The following GALK2 variants were observed in gnomAD, a reference collection of about 807,000 sequenced individuals.
GALK2 encodes galactokinase 2, also known as N-acetylgalactosamine kinase.
GALK2 carries 36 observed loss-of-function variants against 52.4 expected under a neutral mutation model. That is an observed-to-expected ratio of 0.69 (90% CI 0.53 to 0.91). GALK2 has a LOEUF of 0.91. Among genes scored for constraint, GALK2 ranks in the 40% least tolerant of loss-of-function variants. The pLI is 0.00. For synonymous variants in GALK2, 176 were observed against 199.1 expected (o/e 0.88, Z 0.98); for missense variants, 579 against 559.1 (o/e 1.04, Z -0.36).
In GALK2 at chr15:49,235,630, A is replaced by G. The variant is rs541194977; in HGVS notation, c.267-221A>G. On this transcript the variant is annotated intron_variant, in intron 3 of 9. Coordinates refer to ENST00000560031, the MANE Select transcript of GALK2 (RefSeq NM_002044.4). ...TTGTTTCCTCTGTGTTTCAGGAAAT[A>G]AAAAGGGTCAGTTGGAGGTAGTTTA... is the stretch of plus-strand genomic sequence containing the variant. The G allele has an allele frequency of 4.5e-4, 308 of 678,506 alleles. 4 individuals are homozygous for G. The highest frequency in any genetic ancestry group is 4.4e-3 in the South Asian group (296 of 67,654). 42.0% of individuals were successfully genotyped at this position (678,506 alleles called of 1,614,324 possible).
chr15:49,180,996 C>A (rs1035204870), intron 1 of GALK2, among the ~76,000 whole-genome samples: 24 of 151,954 alleles, frequency 1.6e-4, no homozygotes, highest in Admixed American at 1.6e-3. Context: ...TTTTGGCTTA[C>A]CTATTTTCCT....
chr15:49,220,940 T>C (rs1264515945), intron 3 of GALK2, among the ~76,000 whole-genome samples: 1 of 152,190 alleles, frequency 6.6e-6, no homozygotes, highest in Non-Finnish European at 1.5e-5. Flanking sequence ...TTACTAGTTT[T>C]TACTATCGAG....
At chr15:49,247,827 TA>T (rs2091425493) in intron 5 of GALK2, among the ~76,000 whole-genome samples, 1 of 152,224 alleles carries the variant, frequency 6.6e-6, no homozygotes, top group African/African-American at 2.4e-5. Flanking sequence ...AAATTCCTTT[TA>T]AAACTTTTTG....
intron 1 of GALK2, among the ~76,000 whole-genome samples, chr15:49,162,162 A>G (rs554794933): frequency 1.8e-4 from 28 of 152,328 alleles, no homozygotes; most frequent in African/African-American, 6.7e-4. Context: ...AACTTTTCCC[A>G]GGTAACTGCT....
At chr15:49,264,286 T>C (rs566858271) in intron 5 of GALK2, among the ~76,000 whole-genome samples, 1 of 152,252 alleles carries the variant, frequency 6.6e-6, no homozygotes, top group East Asian at 1.9e-4. Flanking sequence ...TTCTTTTTTC[T>C]CTAAACCTCC....
chr15:49,345,495 C>T (rs2041343603), intron 3 of GALK2, among the ~76,000 whole-genome samples: 1 of 152,164 alleles, frequency 6.6e-6, no homozygotes, highest in Non-Finnish European at 1.5e-5. Flanking sequence ...ACACTTATAA[C>T]TATAAATTTT....
Position 49,329,167 on chromosome 15 carries a change from T to C in GALK2, c.*1008T>C. 1.0e-6 allele frequency: 1 copy of C among 987,302 alleles called. No individual in the cohort carries two copies. The highest frequency in any genetic ancestry group is 1.2e-6 in the Non-Finnish European group (1 of 831,226). The allele number at this position is 987,302 out of a possible 1,614,324, so 61.2% of individuals were successfully genotyped here. On this transcript the variant is annotated 3_prime_UTR_variant, in exon 10 of 10. Coordinates refer to ENST00000560031, the MANE Select transcript of GALK2 (RefSeq NM_002044.4). ...ATTGTAAAGCAGGTATGCAGGTATGTGGGTGAAAGTGACTATGAAAAGACT... is the reference window on the plus strand; with the variant it reads ...ATTGTAAAGCAGGTATGCAGGTATGCGGGTGAAAGTGACTATGAAAAGACT...
At chr15:49,204,654 A>G (rs939498050) in intron 2 of GALK2, among the ~76,000 whole-genome samples, 2 of 152,152 alleles carry the variant, frequency 1.3e-5, no homozygotes, top group Non-Finnish European at 2.9e-5. Context: ...GTATAGAAAC[A>G]CTAGTGATTT....
At chr15:49,215,263 C>A (rs1197614428) in intron 2 of GALK2, among the ~76,000 whole-genome samples, 2 of 152,064 alleles carry the variant, frequency 1.3e-5, no homozygotes, top group African/African-American at 4.8e-5. Flanking sequence ...ATATTTATAT[C>A]TTTTCTTAGG....
chr15:49,204,929 A>G (rs751332614), intron 2 of GALK2, among the ~76,000 whole-genome samples: 5 of 152,178 alleles, frequency 3.3e-5, no homozygotes, highest in Admixed American at 6.5e-5. Flanking sequence ...TAGCCCCCAC[A>G]TATCAGTGAG....
At chr15:49,234,600 A>G (rs1231816604) in intron 3 of GALK2, among the ~76,000 whole-genome samples, 1 of 152,082 alleles carries the variant, frequency 6.6e-6, no homozygotes, top group African/African-American at 2.4e-5. Context: ...CCTTTGTAAA[A>G]CCAGCGGATC....
At chr15:49,277,606 G>A (rs994920762) in intron 5 of GALK2, among the ~76,000 whole-genome samples, 3 of 149,032 alleles carry the variant, frequency 2.0e-5, no homozygotes, top group Non-Finnish European at 4.5e-5. Flanking sequence ...GACCATCCTG[G>A]CTAACACAGT....
At chr15:49,223,110 T>C (rs1183943719) in intron 3 of GALK2, 1 of 152,186 alleles carries the variant, frequency 6.6e-6, no homozygotes, top group Non-Finnish European at 1.5e-5. Context: ...GATTTAATCT[T>C]GGTATGTTGT....
downstream of GALK2, among the ~76,000 whole-genome samples, chr15:49,333,206 C>T (rs2039110660): frequency 6.6e-6 from 1 of 152,072 alleles, no homozygotes; most frequent in Non-Finnish European, 1.5e-5. Flanking sequence ...TTAAAGTGTA[C>T]AGTTCAGTGG....
At chr15:49,213,490 C>T (rs1196573865) in intron 2 of GALK2, among the ~76,000 whole-genome samples, 2 of 152,120 alleles carry the variant, frequency 1.3e-5, no homozygotes, top group Non-Finnish European at 2.9e-5. Flanking sequence ...AGCTATTTGT[C>T]CTAATGCTCT....
intron 5 of GALK2, among the ~76,000 whole-genome samples, chr15:49,279,386 T>C (rs1391354845): frequency 1.3e-5 from 2 of 152,236 alleles, no homozygotes; most frequent in Admixed American, 6.5e-5. Context: ...ATCTCATTTG[T>C]CTTTTCATAT....
At chr15:49,307,017 A>G (rs576821354) in intron 8 of GALK2, among the ~76,000 whole-genome samples, 5 of 152,330 alleles carry the variant, frequency 3.3e-5, no homozygotes, top group South Asian at 2.1e-4. Context: ...TATGGTAACT[A>G]TAATTAGAAA....
chr15:49,227,887 G>T (rs1044028778), intron 3 of GALK2, among the ~76,000 whole-genome samples: 4 of 151,974 alleles, frequency 2.6e-5, no homozygotes, highest in Non-Finnish European at 5.9e-5. Flanking sequence ...ACTCCCTTAA[G>T]TATTGCTTGT....
chr15:49,155,807 A>G, exon 1 of GALK2: 3 of 702,790 alleles, frequency 4.3e-6, no homozygotes, highest in Non-Finnish European at 7.2e-6. Context: ...TAAAGCTGGC[A>G]ACTGGGACAT....
Sources: allele counts gnomAD v4.1 joint callset (sites outside exome capture counted in the v4.1 genomes callset), GRCh38; gene constraint gnomAD v4.1.1; transcripts MANE v1.5; gene names NCBI Gene and HGNC (gene_info 2026-07-23, HGNC 2026-07-21).